AFG1L: variants seen among roughly 807,000 people sequenced by gnomAD.
The protein encoded by AFG1L is AFG1-like ATPase.
AFG1L carries 53 observed loss-of-function variants against 62.2 expected under a neutral mutation model. The observed-to-expected ratio is 0.85, with a 90% confidence interval of 0.68 to 1.07. The LOEUF (loss-of-function observed/expected upper bound fraction) is 1.07, where lower values mean the gene tolerates loss of function less well. AFG1L is among the 50% of genes least tolerant of loss of function. AFG1L has a pLI of 0.00. For synonymous variants in AFG1L, 228 were observed against 210.3 expected (o/e 1.08, Z -0.73); for missense variants, 555 against 590.5 (o/e 0.94, Z 0.62).
chr6:108,504,163 T>C (rs1774306783), intron 10 of AFG1L, among the ~76,000 whole-genome samples: 2 of 152,216 alleles, frequency 1.3e-5, no homozygotes, highest in South Asian at 4.1e-4. Flanking sequence ...CTTCAAGACA[T>C]TTTCCTTTTC....
At chr6:108,373,592 T>TC (rs1780110023) in intron 6 of AFG1L, among the ~76,000 whole-genome samples, 1 of 151,744 alleles carries the variant, frequency 6.6e-6, no homozygotes, top group South Asian at 2.1e-4. Flanking sequence ...CTGAGATTTT[T>TC]TTTTTTTTTT....
intron 1 of AFG1L, chr6:108,319,739 G>C (rs1777747158): frequency 2.4e-6 from 1 of 412,896 alleles, no homozygotes; most frequent in Non-Finnish European, 4.9e-6. Context: ...CTCCCAAGTA[G>C]CTGGGACTAC....
chr6:108,497,770 G>A (rs1370453992), intron 10 of AFG1L, among the ~76,000 whole-genome samples: 1 of 152,068 alleles, frequency 6.6e-6, no homozygotes, highest in Non-Finnish European at 1.5e-5. Flanking sequence ...TATAAAAGCT[G>A]GATCATATTT....
At chr6:108,378,330 G>T (rs924729173) in intron 6 of AFG1L, among the ~76,000 whole-genome samples, 5 of 151,624 alleles carry the variant, frequency 3.3e-5, no homozygotes, top group East Asian at 2.0e-4. Flanking sequence ...TTGTTTGTTT[G>T]TTTTTTTGAT....
intron 11 of AFG1L, among the ~76,000 whole-genome samples, chr6:108,515,868 A>G (rs1246869260): frequency 1.3e-5 from 2 of 152,242 alleles, no homozygotes; most frequent in Non-Finnish European, 2.9e-5. Flanking sequence ...GAATACTATA[A>G]ACACCTCTAT....
chr6:108,295,243 C>T (rs1214484359), intron 1 of AFG1L, 25 bp downstream of exon 1: 1 of 1,588,556 alleles, frequency 6.3e-7, no homozygotes, highest in African/African-American at 1.3e-5. Context: ...CATGAGTAGT[C>T]CGAGCCGACT....
chr6:108,393,564 G>A (rs533414004), intron 6 of AFG1L, among the ~76,000 whole-genome samples: 7 of 152,208 alleles, frequency 4.6e-5, no homozygotes, highest in African/African-American at 1.7e-4. Context: ...TAACTTTGTT[G>A]ATGAGTGGAA....
chr6:108,504,014 G>A (rs903807579), intron 10 of AFG1L, among the ~76,000 whole-genome samples: 16 of 152,180 alleles, frequency 1.1e-4, no homozygotes, highest in African/African-American at 3.9e-4. Context: ...GCCTTGCTCT[G>A]TGTTAGGCTT....
chr6:108,479,491 T>G (rs748581901), intron 10 of AFG1L, among the ~76,000 whole-genome samples: 2 of 152,216 alleles, frequency 1.3e-5, no homozygotes, highest in Non-Finnish European at 2.9e-5. Flanking sequence ...TAAGTGGGGT[T>G]AGGTCGCAGT....
chr6:108,390,613 G>A (rs546557683), intron 6 of AFG1L, among the ~76,000 whole-genome samples: 39 of 152,308 alleles, frequency 2.6e-4, no homozygotes, highest in African/African-American at 7.2e-4. Context: ...CAGGTCTGTT[G>A]GAGTTTGCTG....
chr6:108,310,052 T>C (rs1349712237), intron 1 of AFG1L, among the ~76,000 whole-genome samples: 2 of 152,208 alleles, frequency 1.3e-5, no homozygotes, highest in Non-Finnish European at 2.9e-5. Flanking sequence ...CATGGGGCTA[T>C]TCAGAGATCG....
chr6:108,416,142 A>G (rs1019730401), intron 7 of AFG1L, among the ~76,000 whole-genome samples: 3 of 152,258 alleles, frequency 2.0e-5, no homozygotes, highest in African/African-American at 7.2e-5. Context: ...AAAAGAAGAC[A>G]TTTATGCAAC....
intron 7 of AFG1L, among the ~76,000 whole-genome samples, chr6:108,421,227 C>G (rs897355884): frequency 6.6e-6 from 1 of 152,072 alleles, no homozygotes; most frequent in African/African-American, 2.4e-5. Flanking sequence ...CCAAATTAAC[C>G]AAGAGGTCCT....
chr6:108,376,835 G>A (rs370588867), intron 6 of AFG1L, among the ~76,000 whole-genome samples: 6 of 152,034 alleles, frequency 3.9e-5, no homozygotes, highest in South Asian at 2.1e-4. Context: ...TCAGTGGGGC[G>A]TTGAAGTCCC....
chr6:108,508,026 T>C (rs561750279), intron 10 of AFG1L, among the ~76,000 whole-genome samples: 26 of 152,250 alleles, frequency 1.7e-4, no homozygotes, highest in Non-Finnish European at 3.7e-4. Flanking sequence ...GTTTGAATAC[T>C]AATGTATGCC....
chr6:108,470,482 GT>G (rs1292535354), intron 8 of AFG1L, among the ~76,000 whole-genome samples: 1 of 152,192 alleles, frequency 6.6e-6, no homozygotes, highest in Non-Finnish European at 1.5e-5. Context: ...TGGCAGTTCT[GT>G]TTAGAAAGTA....
At chr6:108,382,390 T>C (rs1263750659) in intron 6 of AFG1L, among the ~76,000 whole-genome samples, 4 of 152,208 alleles carry the variant, frequency 2.6e-5, no homozygotes. Context: ...AATGGCATTA[T>C]GTGATTCCTA....
At chr6:108,458,469 G>C (rs1274604375) in intron 8 of AFG1L, among the ~76,000 whole-genome samples, 1 of 151,706 alleles carries the variant, frequency 6.6e-6, no homozygotes, top group East Asian at 1.9e-4. Context: ...GCTAAACTTG[G>C]GTTTCTTTCC....
intron 7 of AFG1L, among the ~76,000 whole-genome samples, chr6:108,435,112 C>G (rs542642377): frequency 6.6e-6 from 1 of 152,094 alleles, no homozygotes; most frequent in South Asian, 2.1e-4. Context: ...TTAAGATGCC[C>G]GACATTGGAC....
Sources: gnomAD v4.1 joint callset for allele counts (sites outside exome capture counted in the v4.1 genomes callset) on GRCh38, gnomAD v4.1.1 for gene constraint, MANE v1.5 for transcripts, NCBI Gene and HGNC (gene_info 2026-07-23, HGNC 2026-07-21) for gene names.